OSGIN2: variants seen among roughly 807,000 people sequenced by gnomAD.
OSGIN2 encodes the protein oxidative stress induced growth inhibitor family member 2.
OSGIN2 carries 19 observed loss-of-function variants against 53.8 expected under a neutral mutation model. The ratio of observed to expected loss-of-function variants is 0.35; its 90% CI spans 0.25 to 0.52. The LOEUF is 0.52. Among genes scored for constraint, OSGIN2 ranks in the 20% least tolerant of loss-of-function variants. The probability of loss-of-function intolerance (pLI) is 0.95; values close to 1 mark genes in which losing one functional copy is unlikely to be tolerated. For synonymous variants in OSGIN2, 236 were observed against 236.0 expected (o/e 1.00, Z 0.00); for missense variants, 520 against 662.7 (o/e 0.78, Z 2.36).
chr8:89,925,449 C>T lies in OSGIN2; in HGVS notation c.1567C>T (p.Leu523=). The change falls in exon 6 of 6, where the codon CTG becomes TTG. Residue 523 remains leucine (L), a synonymous_variant. Coordinates refer to ENST00000451899, the MANE Select transcript of OSGIN2 (RefSeq NM_001126111.3). ...NFVRFLKGGA[L]GVTRCLATRQ... ...TGTTCGATTTTTAAAGGGAGGGGCGCTGGGTGTTACACGCTGTTTAGCTAC... is the reference window on the plus strand; with the variant it reads ...TGTTCGATTTTTAAAGGGAGGGGCGTTGGGTGTTACACGCTGTTTAGCTAC... The T allele has an allele frequency of 6.2e-7, 1 of 1,614,096 alleles. No individual in the cohort carries two copies. The highest frequency in any genetic ancestry group is 2.2e-5 in the East Asian group (1 of 44,882).
At chr8:89,904,697 T>G (rs2130686089) in intron 1 of OSGIN2, among the ~76,000 whole-genome samples, 1 of 152,170 alleles carries the variant, frequency 6.6e-6, no homozygotes, top group South Asian at 2.1e-4. Flanking sequence ...GCACCTGTAA[T>G]CCCAGCTACT....
intron 1 of OSGIN2, among the ~76,000 whole-genome samples, chr8:89,903,394 C>G (rs1681666223): frequency 6.6e-6 from 1 of 152,128 alleles, no homozygotes; most frequent in African/African-American, 2.4e-5. Flanking sequence ...TAATACATTT[C>G]TAAAATAAAA....
intron 5 of OSGIN2, 68 bp downstream of exon 5, chr8:89,921,239 A>C: frequency 1.1e-6 from 1 of 876,522 alleles, no homozygotes; most frequent in Non-Finnish European, 1.8e-6. Context: ...AAATTTCAAA[A>C]TATTTGTGAT....
chr8:89,921,018 CA>C (rs1216750677), intron 4 of OSGIN2, 61 bp from the exon 5 acceptor site: 66 of 1,004,712 alleles, frequency 6.6e-5, no homozygotes, highest in South Asian at 1.2e-4. Flanking sequence ...AAAAACAGAC[CA>C]AAAAAAACCA....
chr8:89,906,172 T>C (rs1808835025), intron 1 of OSGIN2, among the ~76,000 whole-genome samples: 1 of 152,212 alleles, frequency 6.6e-6, no homozygotes, highest in African/African-American at 2.4e-5. Flanking sequence ...CACGCAGGTA[T>C]TAAGCCTAGT....
intron 4 of OSGIN2, among the ~76,000 whole-genome samples, chr8:89,917,357 A>G (rs2130705755): frequency 6.6e-6 from 1 of 152,358 alleles, no homozygotes; most frequent in African/African-American, 2.4e-5. Flanking sequence ...ATCTTTGAAC[A>G]CAGAGCGTGC....
At chr8:89,914,036 AGAT>A (rs771090363) in intron 2 of OSGIN2, 38 bp from the exon 3 acceptor site, 3 of 1,578,186 alleles carry the variant, frequency 1.9e-6, no homozygotes, top group East Asian at 2.2e-5. Context: ...AAGAGTATTA[AGAT>A]GCATGACCTA....
At position 89,924,610 on chromosome 8, in the gene OSGIN2, C is replaced by A. The variant is rs1243546397; in HGVS notation, c.728C>A (p.Thr243Asn). The A allele has an allele frequency of 6.2e-7, 1 of 1,613,782 alleles. No homozygotes were observed. The highest frequency in any genetic ancestry group is 1.1e-5 in the South Asian group (1 of 91,084). ...AATTTCAGAGAGAATACTTACATAA[C>A]TTCCGTATCAAGACTCTACAGAGAT... ...QKNFRENTYITSVSRLYRDQD... is the reference protein window; with the variant it reads ...QKNFRENTYINSVSRLYRDQD... The change falls in exon 6 of 6, where the codon ACT (threonine) becomes AAT (asparagine). Residue 243 changes from threonine (T) to asparagine (N), a missense_variant. Thr to Asn is a moderately conservative substitution (Grantham distance 65, BLOSUM62 0). Transcript: ENST00000451899.
intron 5 of OSGIN2, among the ~76,000 whole-genome samples, chr8:89,923,361 TTAATAA>T (rs952107766): frequency 4.1e-4 from 62 of 152,296 alleles, no homozygotes; most frequent in African/African-American, 1.3e-3. Flanking sequence ...ATTCTAAATC[TTAATAA>T]TAATTATTAA....
rs1809370209 is a variant in OSGIN2 at position 89,927,482 on chromosome 8, C to G, written c.*1950C>G. 1 of 152,162 alleles carries G rather than the reference C, an allele frequency of 6.6e-6. No individual in the cohort carries two copies. The highest frequency in any genetic ancestry group is 6.5e-5 in the Admixed American group (1 of 15,274). The allele number at this position is 152,162 out of a possible 1,614,324, so 9.4% of individuals were successfully genotyped here. On this transcript the variant is annotated 3_prime_UTR_variant, in exon 6 of 6. Transcript: ENST00000451899. ...ACTCTCATGTTCTATAAATTTCTGTCCCGTAATTCTAACACTTTACATTTT... is the reference window on the plus strand; with the variant it reads ...ACTCTCATGTTCTATAAATTTCTGTGCCGTAATTCTAACACTTTACATTTT...
intron 1 of OSGIN2, among the ~76,000 whole-genome samples, chr8:89,905,966 GAATA>G (rs900942867): frequency 4.6e-5 from 7 of 150,666 alleles, no homozygotes; most frequent in Admixed American, 2.0e-4. Context: ...AAATACATAA[GAATA>G]AATTTAATAA....
At position 89,925,621 on chromosome 8, in the gene OSGIN2, C is replaced by A; in HGVS notation, c.*89C>A. The A allele has an allele frequency of 1.1e-6, 1 of 927,302 alleles. No individual in the cohort carries two copies. Among genetic ancestry groups the A allele is most frequent in the Non-Finnish European group, 1.6e-6 (1 of 627,320 alleles). 57.4% of individuals were successfully genotyped at this position (927,302 alleles called of 1,614,324 possible). A position where few individuals can be genotyped will look rare whatever the true frequency, so the allele number is the denominator to read the frequency against. On this transcript the variant is annotated 3_prime_UTR_variant, in exon 6 of 6. Transcript: ENST00000451899. ...AGTGTACTGGCTTGAATTTTCTGGACTTGAGTTAACTGAAGGAGAGCCTCA... is the reference window on the plus strand; with the variant it reads ...AGTGTACTGGCTTGAATTTTCTGGAATTGAGTTAACTGAAGGAGAGCCTCA...
chr8:89,925,175 G>A lies in OSGIN2; in HGVS notation c.1293G>A (p.Lys431=), dbSNP rs149861863. The A allele has an allele frequency of 5.0e-6, 8 of 1,613,980 alleles. No individual in the cohort carries two copies. In the African/African-American group the frequency reaches 9.3e-5, roughly 19 times the overall value. The change falls in exon 6 of 6, where the codon AAG becomes AAA. Residue 431 remains lysine, a synonymous_variant. Transcript: ENST00000451899. ...SFPEHRVLSF[K]SDMKCVLQSV... The stretch of plus-strand genomic sequence containing the variant: ...CCGAGCACCGTGTGCTTTCCTTTAA[G>A]TCGGACATGAAATGTGTTCTCCAAA...
intron 1 of OSGIN2, among the ~76,000 whole-genome samples, chr8:89,906,598 A>T (rs1289943927): frequency 6.6e-6 from 1 of 152,178 alleles, no homozygotes; most frequent in African/African-American, 2.4e-5. Flanking sequence ...TGTCCCTGCA[A>T]AGGACCTGAT....
chr8:89,913,424 T>C (rs531167036), intron 2 of OSGIN2, among the ~76,000 whole-genome samples: 64 of 152,324 alleles, frequency 4.2e-4, no homozygotes, highest in Middle Eastern at 3.4e-3. Flanking sequence ...GAACACTGGA[T>C]AGTCAGAAAC....
chr8:89,906,149 G>A (rs2130688331), intron 1 of OSGIN2, among the ~76,000 whole-genome samples: 1 of 152,262 alleles, frequency 6.6e-6, no homozygotes, highest in African/African-American at 2.4e-5. Context: ...TGTGTCATGG[G>A]AGTTTGTTTC....
At chr8:89,906,570 G>A (rs1808842840) in intron 1 of OSGIN2, among the ~76,000 whole-genome samples, 2 of 151,718 alleles carry the variant, frequency 1.3e-5, no homozygotes, top group African/African-American at 2.4e-5. Context: ...TAAGGATAAG[G>A]GCCTCCAGCT....
At position 89,925,283 on chromosome 8, in the gene OSGIN2, G is replaced by A. The variant is rs1809298748; in HGVS notation, c.1401G>A (p.Lys467=). ...CTCATCCTAATCTGTCTTTTCTGAAGGATCAAGGGTGTTACCTAGGCCATA... is the reference window on the plus strand; with the variant it reads ...CTCATCCTAATCTGTCTTTTCTGAAAGATCAAGGGTGTTACCTAGGCCATA... ...IGSHPNLSFL[K]DQGCYLGHKS... Residue 467 remains lysine (K), a synonymous_variant, in exon 6 of 6, where the codon AAG becomes AAA. Coordinates refer to ENST00000451899, the MANE Select transcript of OSGIN2 (RefSeq NM_001126111.3). The A allele has an allele frequency of 1.2e-6, 2 of 1,614,006 alleles. No individual in the cohort carries two copies. The highest frequency in any genetic ancestry group is 1.7e-6 in the Non-Finnish European group (2 of 1,180,010).
chr8:89,910,740 C>T (rs1285430177), intron 2 of OSGIN2, among the ~76,000 whole-genome samples: 1 of 152,120 alleles, frequency 6.6e-6, no homozygotes, highest in Non-Finnish European at 1.5e-5. Flanking sequence ...TGTGGCTAGG[C>T]TGTGGGAAGG....
Sources: allele counts gnomAD v4.1 joint callset (sites outside exome capture counted in the v4.1 genomes callset), GRCh38; gene constraint gnomAD v4.1.1; transcripts MANE v1.5; gene names NCBI Gene and HGNC (gene_info 2026-07-23, HGNC 2026-07-21).